Variants in DHRSX observed in about 807,000 individuals in gnomAD.
The protein encoded by DHRSX is polyprenol dehydrogenase.
Under a neutral mutation model 34.0 loss-of-function variants are expected in DHRSX, and 31 were observed. The observed-to-expected ratio is 0.91, with a 90% confidence interval of 0.69 to 1.23. The LOEUF is 1.23. Among genes scored for constraint, DHRSX ranks in the 50% most tolerant of loss-of-function variants. DHRSX has a pLI of 0.00. For synonymous variants in DHRSX, 201 were observed against 183.8 expected, an observed-to-expected ratio of 1.09 and a Z score of -0.76; for missense variants, 414 against 428.1, an observed-to-expected ratio of 0.97 and a Z score of 0.29.
chrX:2,471,434 G>A (rs914121220), intron 1 of DHRSX, among the ~76,000 whole-genome samples: 1 of 151,588 alleles, frequency 6.6e-6, no homozygotes, highest in African/African-American at 2.4e-5. Flanking sequence ...GGGTGTGGTG[G>A]CAGGCACCTG....
chrX:2,458,282 A>G (rs5982957), intron 1 of DHRSX, among the ~76,000 whole-genome samples: 41,485 of 151,818 alleles, frequency 0.27, 6,304 homozygotes, highest in African/African-American at 0.4. Flanking sequence ...ATTGGCCTGC[A>G]AAACATCAGA....
At chrX:2,394,744 T>TACA (rs2043387409) in intron 3 of DHRSX, among the ~76,000 whole-genome samples, 1 of 152,056 alleles carries the variant, frequency 6.6e-6, no homozygotes, top group Non-Finnish European at 1.5e-5. Context: ...CACGTGCCTG[T>TACA]AGTCCCAGCT....
chrX:2,308,334 A>G (rs1296588742), intron 3 of DHRSX, among the ~76,000 whole-genome samples: 1 of 152,146 alleles, frequency 6.6e-6, no homozygotes, highest in African/African-American at 2.4e-5. Flanking sequence ...CTTGATGGTA[A>G]AGATACAGAG....
intron 6 of DHRSX, among the ~76,000 whole-genome samples, chrX:2,223,938 G>A (rs1339465529): frequency 6.6e-6 from 1 of 152,120 alleles, no homozygotes; most frequent in Non-Finnish European, 1.5e-5. Context: ...TGCTGCTCTG[G>A]ACAAAGTGAT....
At chrX:2,242,429 T>C (rs1314268434) in intron 6 of DHRSX, among the ~76,000 whole-genome samples, 1 of 151,944 alleles carries the variant, frequency 6.6e-6, no homozygotes, top group Admixed American at 6.6e-5. Context: ...AGTGGTTGTG[T>C]CAGAGCTGTG....
intron 1 of DHRSX, among the ~76,000 whole-genome samples, chrX:2,483,927 C>G (rs1313999503): frequency 6.6e-6 from 1 of 151,834 alleles, no homozygotes; most frequent in Non-Finnish European, 1.5e-5. Flanking sequence ...AAGAAGTCAA[C>G]AGAGCAATAA....
intron 1 of DHRSX, among the ~76,000 whole-genome samples, chrX:2,440,558 C>T (rs985705115): frequency 2.0e-5 from 3 of 151,286 alleles, no homozygotes; most frequent in East Asian, 1.9e-4. Flanking sequence ...AACGGAGTCT[C>T]GCTCTGTCAC....
At chrX:2,303,841 ATGGATGGATGGG>A (rs1368636255) in intron 3 of DHRSX, among the ~76,000 whole-genome samples, 10 of 113,980 alleles carry the variant, frequency 8.8e-5, no homozygotes, top group East Asian at 8.4e-4. Flanking sequence ...GGATGGATGG[ATGGATGGATGGG>A]TGGATGGGTG....
At position 2,484,498 on chromosome X, in the gene DHRSX, C is replaced by T. The variant is rs150164750; in HGVS notation, c.109+16319G>A. Among the ~76,000 whole-genome samples the T allele has an allele frequency of 6.8e-3, 1,028 of 152,230 alleles. 10 individuals are homozygous for T. The highest frequency in any genetic ancestry group is 0.042 in the East Asian group (215 of 5,172). ...AAACCCGAAAGCTTCCCAGAAGTTG[C>T]TCAGAAAGGAACTCATGCAGTTTGA... is the stretch of plus-strand genomic sequence containing the variant. On this transcript the variant is annotated intron_variant, in intron 1 of 6. Transcript: ENST00000334651.
At chrX:2,291,658 A>G in intron 3 of DHRSX, 55 bp from the exon 4 acceptor site, 1 of 1,348,000 alleles carries the variant, frequency 7.4e-7, no homozygotes, top group East Asian at 2.3e-5. Flanking sequence ...TATTTCAGAG[A>G]TTAAGAAAAT....
chrX:2,428,357 C>A (rs1437948841), intron 1 of DHRSX, among the ~76,000 whole-genome samples: 7 of 152,170 alleles, frequency 4.6e-5, no homozygotes, highest in African/African-American at 1.7e-4. Context: ...ATAGTAAAGA[C>A]TTGGAACCAA....
At chrX:2,253,386 GGCGCCACGGCAC>G (rs2016484092) in intron 5 of DHRSX, among the ~76,000 whole-genome samples, 1 of 120,802 alleles carries the variant, frequency 8.3e-6, no homozygotes, top group Non-Finnish European at 2.1e-5. Context: ...GAGCCAAGAT[GGCGCCACGGCAC>G]TCCAGCCTAG....
rs372066872 is a variant in DHRSX at position 2,453,848 on chromosome X, G to A, written c.110-28544C>T. Among the ~76,000 whole-genome samples, 268 of 152,208 alleles carry A rather than the reference G, an allele frequency of 1.8e-3. 1 individual carries two copies. The Middle Eastern group carries it at 0.044, about 25-fold the overall frequency. ...ACTAGGTGAGGTGATATAGGTCAGA[G>A]TTAGGATTATGTGAATATGTTAATT... On this transcript the variant is annotated intron_variant, in intron 1 of 6. Coordinates refer to ENST00000334651, the MANE Select transcript of DHRSX (RefSeq NM_145177.3).
intron 3 of DHRSX, among the ~76,000 whole-genome samples, chrX:2,315,161 T>TA (rs113630318): frequency 5.1e-3 from 700 of 137,540 alleles, no homozygotes; most frequent in South Asian, 7.8e-3. Context: ...TCCGTTTCAA[T>TA]AAAAAAAAAA....
At chrX:2,422,167 G>C (rs1203202010) in intron 2 of DHRSX, among the ~76,000 whole-genome samples, 1 of 152,206 alleles carries the variant, frequency 6.6e-6, no homozygotes, top group Non-Finnish European at 1.5e-5. Flanking sequence ...CCTAAGCATT[G>C]TTTATGATCC....
intron 3 of DHRSX, among the ~76,000 whole-genome samples, chrX:2,362,337 G>T (rs769571744): frequency 6.6e-6 from 1 of 152,300 alleles, no homozygotes; most frequent in East Asian, 1.9e-4. Context: ...GTCTCACTCT[G>T]TTGACCAGGT....
At chrX:2,225,086 C>T (rs1357092761) in intron 6 of DHRSX, among the ~76,000 whole-genome samples, 3 of 150,404 alleles carry the variant, frequency 2.0e-5, no homozygotes, top group African/African-American at 7.4e-5. Context: ...CATGCTCACT[C>T]ATTCACATGC....
chrX:2,346,359 G>A (rs1220978918), intron 3 of DHRSX, among the ~76,000 whole-genome samples: 3 of 152,010 alleles, frequency 2.0e-5, no homozygotes, highest in South Asian at 2.1e-4. Flanking sequence ...AAATATTGCC[G>A]AGTGTGGTTT....
chrX:2,348,085 G>A (rs1327551783), intron 3 of DHRSX, among the ~76,000 whole-genome samples: 1 of 152,180 alleles, frequency 6.6e-6, no homozygotes, highest in African/African-American at 2.4e-5. Context: ...AGGCCAATTG[G>A]GTCCCTGCCT....
Sources: allele counts gnomAD v4.1 joint callset (sites outside exome capture counted in the v4.1 genomes callset), GRCh38; gene constraint gnomAD v4.1.1; transcripts MANE v1.5; gene names NCBI Gene and HGNC (gene_info 2026-07-23, HGNC 2026-07-21).